The following ACOX3 variants were observed in gnomAD, a reference collection of about 807,000 sequenced individuals.
The protein encoded by ACOX3 is peroxisomal acyl-coenzyme A oxidase 3.
ACOX3 carries 73 observed loss-of-function variants against 81.5 expected under a neutral mutation model. The observed-to-expected ratio is 0.90, with a 90% CI of 0.74 to 1.09. ACOX3 has a LOEUF of 1.09. Ranked by LOEUF, ACOX3 falls within the 50% of genes least tolerant of loss-of-function variation. The pLI is 0.00. For missense variants in ACOX3, 947 were observed against 928.0 expected (o/e 1.02, Z -0.27); for synonymous variants, 387 against 375.1 (o/e 1.03, Z -0.37).
chr4:8,434,705 C>T (rs1724129848), intron 1 of ACOX3, among the ~76,000 whole-genome samples: 1 of 152,270 alleles, frequency 6.6e-6, no homozygotes, highest in Non-Finnish European at 1.5e-5. Flanking sequence ...GGCCTGATCA[C>T]CCATGGCGTG....
rs1011173749 is a variant in ACOX3, at chr4:8,399,735, A to G, written c.777-83T>C. ...TTCTCCAAGGGCAGCCTAAAAGCTG[A>G]TGCAATCCCCGAGGACAAAGAAAAT... is the stretch of plus-strand genomic sequence containing the variant. On this transcript the variant is annotated intron_variant, in intron 7 of 17. Coordinates refer to ENST00000356406, the MANE Select transcript of ACOX3 (RefSeq NM_003501.3). This position sits in a 1 kb window ranked among gnomAD's most constrained non-coding sequence, Gnocchi z 4.9. 3.2e-6 allele frequency: 4 copies of G among 1,241,844 alleles called. No individual in the cohort carries two copies. In the African/African-American group the frequency reaches 6.0e-5, roughly 19 times the overall value. 76.9% of individuals were successfully genotyped at this position (1,241,844 alleles called of 1,614,324 possible).
chr4:8,415,466 A>T (rs1196282613), intron 3 of ACOX3, among the ~76,000 whole-genome samples: 8 of 151,802 alleles, frequency 5.3e-5, no homozygotes, highest in Non-Finnish European at 7.4e-5. Flanking sequence ...TAAAAAAAAA[A>T]AAAGTCCCAA....
chr4:8,385,896 C>T lies in ACOX3; in HGVS notation c.1537+3277G>A, dbSNP rs534806654. ...CTGGCAGAACCCACAAGCTTCCCTG[C>T]GGCGTGAGGGATAATGGCGGTCTCT... On this transcript the variant is annotated intron_variant, in intron 13 of 17. Coordinates refer to ENST00000356406, the MANE Select transcript of ACOX3 (RefSeq NM_003501.3). This position sits in a 1 kb window ranked among gnomAD's most constrained non-coding sequence, Gnocchi z 5.5. Among the ~76,000 whole-genome samples the T allele has an allele frequency of 7.9e-5, 12 of 152,340 alleles. No homozygotes were observed. Among genetic ancestry groups the T allele is most frequent in the Admixed American group, 5.2e-4 (8 of 15,302 alleles).
intron 3 of ACOX3, 21 bp downstream of exon 3, chr4:8,415,745 T>C: frequency 6.2e-7 from 1 of 1,608,378 alleles, no homozygotes; most frequent in Non-Finnish European, 8.5e-7. Flanking sequence ...CGTTTCCCTC[T>C]CCCCTAGGCC....
chr4:8,365,678 C>T (rs369837784), downstream of ACOX3, among the ~76,000 whole-genome samples: 41 of 152,236 alleles, frequency 2.7e-4, no homozygotes, highest in African/African-American at 9.1e-4. Context: ...TGCTGGCAGG[C>T]GGTAGGTGAT....
At chr4:8,434,620 C>A (rs1724125642) in intron 1 of ACOX3, among the ~76,000 whole-genome samples, 1 of 152,276 alleles carries the variant, frequency 6.6e-6, no homozygotes, top group Admixed American at 6.5e-5. Flanking sequence ...AAGGAACTAG[C>A]ACTTTAAGTC....
chr4:8,404,708 G>C (rs1455476224), intron 7 of ACOX3, among the ~76,000 whole-genome samples: 5 of 152,124 alleles, frequency 3.3e-5, no homozygotes, highest in Non-Finnish European at 7.4e-5. Context: ...GAGACAACCT[G>C]GTCATGATAA....
chr4:8,365,679 G>A (rs925183613), downstream of ACOX3, among the ~76,000 whole-genome samples: 5 of 152,160 alleles, frequency 3.3e-5, no homozygotes, highest in African/African-American at 4.8e-5. Flanking sequence ...GCTGGCAGGC[G>A]GTAGGTGATC....
At position 8,384,678 on chromosome 4, in the gene ACOX3, A is replaced by G. The variant is rs1417978207; in HGVS notation, c.1538-3071T>C. On this transcript the variant is annotated intron_variant, in intron 13 of 17. Coordinates refer to ENST00000356406, the MANE Select transcript of ACOX3 (RefSeq NM_003501.3). The surrounding 1 kb of genome is among the most constrained non-coding windows in gnomAD (Gnocchi z 5.3). ...ACCCCATGGTGAGCTCTTCGCATGCACTGCCTGCCTTTCGGGTCTCGGTTT... is the reference window on the plus strand; with the variant it reads ...ACCCCATGGTGAGCTCTTCGCATGCGCTGCCTGCCTTTCGGGTCTCGGTTT... 6.6e-6 allele frequency among the ~76,000 whole-genome samples: 1 copy of G among 151,792 alleles called. No homozygotes were observed. Among genetic ancestry groups the G allele is most frequent in the Non-Finnish European group, 1.5e-5 (1 of 67,938 alleles).
Position 8,399,767 on chromosome 4 carries a change from G to A in ACOX3, c.777-115C>T. Reference sequence around the variant, plus strand: ...CCCCGAGGACAAAGAAAATGGCAGAGGGCAAGTAGACAGGAACATTCAACC... The same window carrying A: ...CCCCGAGGACAAAGAAAATGGCAGAAGGCAAGTAGACAGGAACATTCAACC... On this transcript the variant is annotated intron_variant, in intron 7 of 17. Coordinates refer to ENST00000356406, the MANE Select transcript of ACOX3 (RefSeq NM_003501.3). The surrounding 1 kb of genome is among the most constrained non-coding windows in gnomAD (Gnocchi z 4.9). The A allele has an allele frequency of 1.1e-6, 1 of 885,264 alleles. No individual in the cohort carries two copies. The highest frequency in any genetic ancestry group is 1.8e-6 in the Non-Finnish European group (1 of 557,462). 54.8% of individuals were successfully genotyped at this position (885,264 alleles called of 1,614,324 possible).
At position 8,389,475 on chromosome 4, in the gene ACOX3, G is replaced by A; in HGVS notation, c.1423+137C>T. 6.9e-7 allele frequency: 1 copy of A among 1,445,322 alleles called. No individual in the cohort carries two copies. The highest frequency in any genetic ancestry group is 9.4e-7 in the Non-Finnish European group (1 of 1,062,536). 89.5% of individuals were successfully genotyped at this position (1,445,322 alleles called of 1,614,324 possible). A position where few individuals can be genotyped will look rare whatever the true frequency, so the allele number is the denominator to read the frequency against. ...TGCCCATGCCTTGGGGAGTTGGTCG[G>A]CACTATCTAATAACATTTCTTTCCT... On this transcript the variant is annotated intron_variant, in intron 12 of 17. Transcript: ENST00000356406. The surrounding 1 kb of genome is among the most constrained non-coding windows in gnomAD (Gnocchi z 5.3).
chr4:8,365,160 G>C (rs1485339450), downstream of ACOX3, among the ~76,000 whole-genome samples: 7 of 152,230 alleles, frequency 4.6e-5, no homozygotes, highest in Non-Finnish European at 1.0e-4. Flanking sequence ...TGGGGCTGGG[G>C]ACCCCGGGCC....
rs568385619 is a variant in ACOX3 at position 8,382,708 on chromosome 4, C to A, written c.1538-1101G>T. 1.3e-5 allele frequency among the ~76,000 whole-genome samples: 2 copies of A among 152,166 alleles called. No homozygotes were observed. The highest frequency in any genetic ancestry group is 4.8e-5 in the African/African-American group (2 of 41,448). Reference sequence around the variant, plus strand: ...AGGTCACTGGGAAGAAAATACCCAACGTTGCTGGGCGCAGTGGCTCACACC... The same window carrying A: ...AGGTCACTGGGAAGAAAATACCCAAAGTTGCTGGGCGCAGTGGCTCACACC... On this transcript the variant is annotated intron_variant, in intron 13 of 17. Transcript: ENST00000356406. This position sits in a 1 kb window ranked among gnomAD's most constrained non-coding sequence, Gnocchi z 4.1.
the ACOX3 span, chr4:8,357,708 G>A: frequency 4.1e-6 from 1 of 244,298 alleles, no homozygotes; most frequent in Admixed American, 5.1e-5. Context: ...TGCAGTGGGG[G>A]CAACAGCTTT....
intron 9 of ACOX3, among the ~76,000 whole-genome samples, chr4:8,395,109 G>A (rs528561885): frequency 6.6e-6 from 1 of 152,306 alleles, no homozygotes; most frequent in Non-Finnish European, 1.5e-5. Context: ...CTGACAGCAT[G>A]AGCCTGTGAG....
rs1716507835 is a variant in ACOX3 at position 8,373,443 on chromosome 4, TC to T, written c.1896+117del. ...CTGGGTGACGCTAAGGGGGTGCGTG[TC>T]AGTCTGGGTGATACTAAGGCGGTGC... On this transcript the variant is annotated intron_variant, in intron 16 of 17. Transcript: ENST00000356406. The T allele has an allele frequency of 3.8e-6, 4 of 1,055,888 alleles. No individual in the cohort carries two copies. The Admixed American group carries it at 6.4e-5, about 17-fold the overall frequency. 65.4% of individuals were successfully genotyped at this position (1,055,888 alleles called of 1,614,324 possible).
At position 8,432,594 on chromosome 4, in the gene ACOX3, G is replaced by C. The variant is rs556902670; in HGVS notation, c.-15+8054C>G. ...ATTTAACGGGTTTCTATGCTGTTAA[G>C]GTCTTGGCATCAGATGAGTTTCTGG... On this transcript the variant is annotated intron_variant, in intron 1 of 17. Transcript: ENST00000356406. The surrounding 1 kb of genome is among the most constrained non-coding windows in gnomAD (Gnocchi z 6.2). Among the ~76,000 whole-genome samples, 5 of 152,162 alleles carry C rather than the reference G, an allele frequency of 3.3e-5. No homozygotes were observed. The South Asian group carries it at 1.0e-3, about 32-fold the overall frequency.
rs781647728 is a variant in ACOX3 at position 8,432,987 on chromosome 4, G to T, written c.-15+7661C>A. Reference sequence around the variant, plus strand: ...TGGGTCAGTAGCCAAAAGTAACTACGGTATTGGACAGTGCAGACATAGAAC... The same window carrying T: ...TGGGTCAGTAGCCAAAAGTAACTACTGTATTGGACAGTGCAGACATAGAAC... On this transcript the variant is annotated intron_variant, in intron 1 of 17. Transcript: ENST00000356406. The surrounding 1 kb of genome is among the most constrained non-coding windows in gnomAD (Gnocchi z 6.2). Among the ~76,000 whole-genome samples, 1 of 152,230 alleles carries T rather than the reference G, an allele frequency of 6.6e-6. No homozygotes were observed. The highest frequency in any genetic ancestry group is 2.1e-4 in the South Asian group (1 of 4,834).
At chr4:8,433,401 G>T (rs190693262) in intron 1 of ACOX3, among the ~76,000 whole-genome samples, 1 of 152,338 alleles carries the variant, frequency 6.6e-6, no homozygotes, top group East Asian at 1.9e-4. Flanking sequence ...ACAGGTCAAG[G>T]AATGCCAATG....
Sources: gnomAD v4.1 joint callset for allele counts (sites outside exome capture counted in the v4.1 genomes callset) on GRCh38, gnomAD v4.1.1 for gene constraint, Gnocchi (gnomAD v3.1) non-coding constraint, MANE v1.5 for transcripts, NCBI Gene and HGNC (gene_info 2026-07-23, HGNC 2026-07-21) for gene names.